Variants in DERA observed in about 807,000 individuals in gnomAD.
DERA encodes deoxyribose-phosphate aldolase.
A neutral mutation model predicts 41.1 loss-of-function variants in DERA; 15 were observed. The ratio of observed to expected loss-of-function variants is 0.37; its 90% confidence interval spans 0.24 to 0.56. The LOEUF is 0.56. Ranked by LOEUF, DERA falls within the 20% of genes least tolerant of loss-of-function variation. DERA has a pLI of 0.81. For missense variants in DERA, 396 were observed against 403.4 expected, an observed-to-expected ratio of 0.98 and a Z score of 0.16; for synonymous variants, 139 against 137.4, an observed-to-expected ratio of 1.01 and a Z score of -0.08.
At position 15,976,495 on chromosome 12, in the gene DERA, C is replaced by T. The variant is rs1030329792; in HGVS notation, c.509-5813C>T. Among the ~76,000 whole-genome samples, 5 of 152,176 alleles carry T rather than the reference C, an allele frequency of 3.3e-5. No homozygotes were observed. Among genetic ancestry groups the T allele is most frequent in the Non-Finnish European group, 7.3e-5 (5 of 68,038 alleles). On this transcript the variant is annotated intron_variant, in intron 5 of 8. Coordinates refer to ENST00000428559, the MANE Select transcript of DERA (RefSeq NM_015954.4). The surrounding 1 kb of genome is among the most constrained non-coding windows in gnomAD (Gnocchi z 4.1). ...CCAGTGACATGGGGGCTAGGTTTCTCTCCACCTTCTTGGCAGTGTGTGGCT... is the reference window on the plus strand; with the variant it reads ...CCAGTGACATGGGGGCTAGGTTTCTTTCCACCTTCTTGGCAGTGTGTGGCT...
chr12:15,945,634 G>A (rs1948441657), intron 1 of DERA, among the ~76,000 whole-genome samples: 2 of 152,132 alleles, frequency 1.3e-5, no homozygotes, highest in African/African-American at 2.4e-5. Flanking sequence ...GGGTTGAGAC[G>A]ATGGGGTTTT....
rs68006000 is a variant in DERA at position 16,035,033 on chromosome 12, G to A, written c.751-1199G>A. On this transcript the variant is annotated intron_variant, in intron 7 of 8. Transcript: ENST00000428559. This position sits in a 1 kb window ranked among gnomAD's most constrained non-coding sequence, Gnocchi z 4.1. ...CACTGCTACTGCTTAGTTGTGTGAC[G>A]TTGTGTAATTGAGGCAGGGAAACCA... 0.23 allele frequency among the ~76,000 whole-genome samples: 35,593 copies of A among 152,072 alleles called. 4,432 individuals are homozygous for A. Among genetic ancestry groups the A allele is most frequent in the Admixed American group, 0.34 (5,159 of 15,288 alleles).
At chr12:15,973,215 CT>C (rs11310473) in intron 5 of DERA, among the ~76,000 whole-genome samples, 2,721 of 152,266 alleles carry the variant, frequency 0.018, 89 homozygotes, top group African/African-American at 0.063. Flanking sequence ...GATTAAGCAT[CT>C]GCAATGTAAT....
chr12:15,930,696 TA>T (rs1948321050), intron 1 of DERA, among the ~76,000 whole-genome samples: 1 of 152,242 alleles, frequency 6.6e-6, no homozygotes, highest in African/African-American at 2.4e-5. Flanking sequence ...AATATTTGCT[TA>T]AAAAATTAGG....
rs536223069 is a variant in DERA, at chr12:15,943,703, A to T, written c.32-13233A>T. 9.0e-4 allele frequency among the ~76,000 whole-genome samples: 86 copies of T among 95,034 alleles called. No individual in the cohort carries two copies. The highest frequency in any genetic ancestry group is 3.4e-3 in the African/African-American group (84 of 24,946). The allele number at this position is 95,034 out of a possible 152,430, so 62.3% of individuals were successfully genotyped here. ...TCTGTTTCTTCTTTTTTATTTTTTAATTTTTATTTATTTATTTATTTATTT... is the reference window on the plus strand; with the variant it reads ...TCTGTTTCTTCTTTTTTATTTTTTATTTTTTATTTATTTATTTATTTATTT... On this transcript the variant is annotated intron_variant, in intron 1 of 8. Transcript: ENST00000428559. This position sits in a 1 kb window ranked among gnomAD's most constrained non-coding sequence, Gnocchi z 4.5.
chr12:15,952,621 A>T (rs2136143910), intron 1 of DERA, among the ~76,000 whole-genome samples: 2 of 152,338 alleles, frequency 1.3e-5, no homozygotes, highest in South Asian at 4.1e-4. Context: ...TTCATTGTGA[A>T]ATCAATGTTA....
At chr12:15,979,376 TC>T (rs1948718548) in intron 5 of DERA, among the ~76,000 whole-genome samples, 1 of 152,210 alleles carries the variant, frequency 6.6e-6, no homozygotes, top group Non-Finnish European at 1.5e-5. Context: ...CTTTTGGATC[TC>T]CTGCTATTGC....
At chr12:15,956,116 G>A (rs993542563) in intron 1 of DERA, among the ~76,000 whole-genome samples, 6 of 152,202 alleles carry the variant, frequency 3.9e-5, no homozygotes, top group African/African-American at 4.8e-5. Context: ...TAAGTACAAC[G>A]AATGGTTTCA....
chr12:16,019,623 G>T lies in DERA; in HGVS notation c.638-12919G>T, dbSNP rs770697405. Among the ~76,000 whole-genome samples the T allele has an allele frequency of 6.6e-6, 1 of 152,106 alleles. No individual in the cohort carries two copies. Among genetic ancestry groups the T allele is most frequent in the African/African-American group, 2.4e-5 (1 of 41,476 alleles). ...ATGCCATATACTTTCTTTGCTTTTGGTGTTTCTTTTTATGGTGGTGTTCTT... is the reference window on the plus strand; with the variant it reads ...ATGCCATATACTTTCTTTGCTTTTGTTGTTTCTTTTTATGGTGGTGTTCTT... On this transcript the variant is annotated intron_variant, in intron 6 of 8. Transcript: ENST00000428559. The surrounding 1 kb of genome is among the most constrained non-coding windows in gnomAD (Gnocchi z 4.4).
rs1948963029 is a variant in DERA at position 16,013,883 on chromosome 12, G to C, written c.638-18659G>C. On this transcript the variant is annotated intron_variant, in intron 6 of 8. Coordinates refer to ENST00000428559, the MANE Select transcript of DERA (RefSeq NM_015954.4). The surrounding 1 kb of genome is among the most constrained non-coding windows in gnomAD (Gnocchi z 5.8). Reference sequence around the variant, plus strand: ...AGGTGGAGATCAGGAACTTGTAGAGGACTGGAGCAAAGGTCACTCTTGCTG... The same window carrying C: ...AGGTGGAGATCAGGAACTTGTAGAGCACTGGAGCAAAGGTCACTCTTGCTG... Among the ~76,000 whole-genome samples the C allele has an allele frequency of 6.6e-6, 1 of 152,178 alleles. No homozygotes were observed. The highest frequency in any genetic ancestry group is 2.4e-5 in the African/African-American group (1 of 41,434).
At chr12:15,991,246 T>C (rs1365691500) in intron 6 of DERA, among the ~76,000 whole-genome samples, 1 of 152,176 alleles carries the variant, frequency 6.6e-6, no homozygotes. Flanking sequence ...TGGCCACATG[T>C]ATGTCTTCTT....
rs1337655718 is a variant in DERA at position 16,035,386 on chromosome 12, G to A, written c.751-846G>A. 2.0e-5 allele frequency among the ~76,000 whole-genome samples: 3 copies of A among 152,202 alleles called. No individual in the cohort carries two copies. The highest frequency in any genetic ancestry group is 3.8e-4 in the East Asian group (2 of 5,202). Reference sequence around the variant, plus strand: ...AGATTTAGTACTCAGGCTCTGAGGTGTTGTTTTGACCACTACCATCTACAG... The same window carrying A: ...AGATTTAGTACTCAGGCTCTGAGGTATTGTTTTGACCACTACCATCTACAG... On this transcript the variant is annotated intron_variant, in intron 7 of 8. Coordinates refer to ENST00000428559, the MANE Select transcript of DERA (RefSeq NM_015954.4). This position sits in a 1 kb window ranked among gnomAD's most constrained non-coding sequence, Gnocchi z 4.1.
intron 1 of DERA, among the ~76,000 whole-genome samples, chr12:15,945,729 G>A (rs1486808745): frequency 1.3e-5 from 2 of 152,230 alleles, no homozygotes; most frequent in East Asian, 3.9e-4. Flanking sequence ...TCTTTCTCCT[G>A]CCTGATTGCC....
At chr12:15,991,657 T>C (rs1354335228) in intron 6 of DERA, among the ~76,000 whole-genome samples, 7 of 152,184 alleles carry the variant, frequency 4.6e-5, no homozygotes, top group Non-Finnish European at 1.0e-4. Flanking sequence ...AACAATGTCA[T>C]AATAGCTCAA....
In DERA at chr12:15,943,806, G is replaced by T. The variant is rs2136137701; in HGVS notation, c.32-13130G>T. The stretch of plus-strand genomic sequence containing the variant: ...AGGTTTGTTACATGTGTATACATGT[G>T]CCATGTTGGTGTGCTGTAGCCATTA... On this transcript the variant is annotated intron_variant, in intron 1 of 8. Transcript: ENST00000428559. The surrounding 1 kb of genome is among the most constrained non-coding windows in gnomAD (Gnocchi z 4.5). Among the ~76,000 whole-genome samples, 1 of 150,968 alleles carries T rather than the reference G, an allele frequency of 6.6e-6. No individual in the cohort carries two copies. Among genetic ancestry groups the T allele is most frequent in the East Asian group, 2.0e-4 (1 of 5,124 alleles).
intron 6 of DERA, among the ~76,000 whole-genome samples, chr12:16,031,263 G>T (rs1949090654): frequency 6.6e-6 from 1 of 152,212 alleles, no homozygotes; most frequent in South Asian, 2.1e-4. Context: ...GTATGGTTTT[G>T]AGGGCAAGGT....
In DERA at chr12:15,943,148, CTCT is replaced by C. The variant is rs1338062008; in HGVS notation, c.32-13783_32-13781del. Among the ~76,000 whole-genome samples the C allele has an allele frequency of 1.3e-5, 2 of 152,202 alleles. No individual in the cohort carries two copies. The highest frequency in any genetic ancestry group is 2.9e-5 in the Non-Finnish European group (2 of 68,038). ...GTTTATGGGTAGTGAGCAGAGGAAG[CTCT>C]TCTTTGAATTTTGTGCTTTGTGAAT... On this transcript the variant is annotated intron_variant, in intron 1 of 8. Coordinates refer to ENST00000428559, the MANE Select transcript of DERA (RefSeq NM_015954.4). The surrounding 1 kb of genome is among the most constrained non-coding windows in gnomAD (Gnocchi z 4.5).
chr12:16,024,478 G>A (rs956251137), intron 6 of DERA, among the ~76,000 whole-genome samples: 4 of 152,180 alleles, frequency 2.6e-5, no homozygotes, highest in Non-Finnish European at 5.9e-5. Flanking sequence ...ATGTCAGCGT[G>A]GAGTGAAATA....
Position 15,922,205 on chromosome 12 carries a change from C to T in DERA, c.31+10791C>T, listed in dbSNP as rs546797408. On this transcript the variant is annotated intron_variant, in intron 1 of 8. Coordinates refer to ENST00000428559, the MANE Select transcript of DERA (RefSeq NM_015954.4). This position sits in a 1 kb window ranked among gnomAD's most constrained non-coding sequence, Gnocchi z 4.9. ...ATTTTAAAATATCCCCGGGGAAGTA[C>T]GCTGCCTTATTCTTGTCAAGGAAAG... is the stretch of plus-strand genomic sequence containing the variant. 1.0e-3 allele frequency among the ~76,000 whole-genome samples: 152 copies of T among 152,218 alleles called. No individual in the cohort carries two copies. In the Middle Eastern group the frequency reaches 0.017, roughly 17 times the overall value.
Sources: allele counts gnomAD v4.1 joint callset (sites outside exome capture counted in the v4.1 genomes callset), GRCh38; gene constraint gnomAD v4.1.1; non-coding constraint Gnocchi (gnomAD v3.1); transcripts MANE v1.5; gene names NCBI Gene and HGNC (gene_info 2026-07-23, HGNC 2026-07-21).